The following BPIFC variants were observed in gnomAD, a reference collection of about 807,000 sequenced individuals.
The protein encoded by BPIFC is BPI fold-containing family C protein.
In BPIFC, 60 loss-of-function variants were observed where a neutral mutation model predicts 57.6. The observed-to-expected ratio is 1.04, with a 90% CI of 0.85 to 1.29. BPIFC has a LOEUF of 1.29. Ranked by LOEUF, BPIFC falls within the 50% of genes most tolerant of loss-of-function variation. The probability of loss-of-function intolerance (pLI) is 0.00; values close to 1 mark genes in which losing one functional copy is unlikely to be tolerated. For synonymous variants in BPIFC, 243 were observed against 224.5 expected (o/e 1.08, Z -0.74); for missense variants, 581 against 600.5 (o/e 0.97, Z 0.34).
At chr22:32,440,552 A>C (rs573685618) in intron 8 of BPIFC, among the ~76,000 whole-genome samples, 48 of 152,348 alleles carry the variant, frequency 3.2e-4, no homozygotes, top group Admixed American at 1.4e-3. Flanking sequence ...AGATATATCA[A>C]CAGGAAATTA....
At chr22:32,445,365 G>A (rs1934689636) in intron 7 of BPIFC, among the ~76,000 whole-genome samples, 1 of 151,956 alleles carries the variant, frequency 6.6e-6, no homozygotes, top group South Asian at 2.1e-4. Flanking sequence ...GTGAAACCCC[G>A]TCTCTACTAA....
In BPIFC at chr22:32,445,892, T is replaced by A. The variant is rs958913817; in HGVS notation, c.479A>T (p.Asp160Val). 1 of 1,614,002 alleles carries A rather than the reference T, an allele frequency of 6.2e-7. No homozygotes were observed. The change falls in exon 6 of 17, where the codon GAT (aspartate) becomes GTT (valine). Residue 160 changes from aspartate to valine, a missense_variant. Asp to Val is a radical substitution (Grantham distance 152). Transcript: ENST00000300399. ...GGCATGGCTCAGTTGGGCGTAGCAA[T>A]CTTGGAGCTTCAGGGTAGGATGACC... ...DFGHPTLKLQ[D>V]CYAQLSHAHV...
At chr22:32,421,162 A>G (rs534000226) in intron 13 of BPIFC, among the ~76,000 whole-genome samples, 110 of 152,316 alleles carry the variant, frequency 7.2e-4, no homozygotes, top group African/African-American at 2.6e-3. Flanking sequence ...GAATTTTCAT[A>G]AGAAAACTCA....
intron 13 of BPIFC, among the ~76,000 whole-genome samples, chr22:32,430,667 G>A (rs1446149196): frequency 6.6e-6 from 1 of 151,038 alleles, no homozygotes; most frequent in Non-Finnish European, 1.5e-5. Context: ...GAGAGACAAG[G>A]TCTCATTCTA....
intron 8 of BPIFC, among the ~76,000 whole-genome samples, chr22:32,442,258 G>T (rs1934584969): frequency 6.6e-6 from 1 of 152,168 alleles, no homozygotes. Flanking sequence ...TAGGAGATGG[G>T]GTGTGGTGAA....
In BPIFC at chr22:32,435,900, A is replaced by G; in HGVS notation, c.748-20T>C. ...TACACCCTGTGGGAAAAGAGAGAGA[A>G]AGACCAGTGTATCAGGTGAAAACTC... On this transcript the variant is annotated intron_variant, in intron 9 of 16. Coordinates refer to ENST00000300399, the MANE Select transcript of BPIFC (RefSeq NM_174932.3). 6.2e-7 allele frequency: 1 copy of G among 1,603,296 alleles called. No individual in the cohort carries two copies. Among genetic ancestry groups the G allele is most frequent in the Admixed American group, 1.8e-5 (1 of 56,986 alleles).
At chr22:32,419,298 T>C in intron 14 of BPIFC, 64 bp downstream of exon 14, 2 of 1,494,380 alleles carry the variant, frequency 1.3e-6, no homozygotes, top group Admixed American at 1.9e-5. Flanking sequence ...AATTCGCTAT[T>C]ATATATAGTA....
chr22:32,437,337 A>G (rs1442692902), intron 9 of BPIFC, among the ~76,000 whole-genome samples: 1 of 152,192 alleles, frequency 6.6e-6, no homozygotes, highest in Non-Finnish European at 1.5e-5. Flanking sequence ...AAGAGCATGT[A>G]TATAGATTTC....
At chr22:32,417,309 G>T (rs1450583675) in intron 14 of BPIFC, among the ~76,000 whole-genome samples, 161 bp from the exon 15 acceptor site, 1 of 151,136 alleles carries the variant, frequency 6.6e-6, no homozygotes, top group African/African-American at 2.4e-5. Context: ...TCAAGCAGCT[G>T]GGACTACAAG....
intron 4 of BPIFC, among the ~76,000 whole-genome samples, chr22:32,450,142 A>T (rs1342094801): frequency 2.4e-5 from 3 of 123,210 alleles, no homozygotes; most frequent in Non-Finnish European, 5.0e-5. Context: ...ACACACACAC[A>T]TATATACACA....
chr22:32,456,602 C>G (rs1935044796), intron 3 of BPIFC, among the ~76,000 whole-genome samples: 1 of 152,184 alleles, frequency 6.6e-6, no homozygotes, highest in Non-Finnish European at 1.5e-5. Context: ...GCTCCATCAT[C>G]AACCTACCCT....
intron 13 of BPIFC, among the ~76,000 whole-genome samples, chr22:32,424,765 T>C (rs537012033): frequency 5.0e-4 from 53 of 106,586 alleles, no homozygotes; most frequent in South Asian, 3.8e-3. Context: ...CTTCTTCTTC[T>C]TCTTCTTCTT....
At chr22:32,421,260 A>C (rs763179923) in intron 13 of BPIFC, among the ~76,000 whole-genome samples, 2 of 152,230 alleles carry the variant, frequency 1.3e-5, no homozygotes, top group Non-Finnish European at 2.9e-5. Flanking sequence ...TCTATGCAAT[A>C]ATAATGATAC....
chr22:32,432,114 T>A (rs1934260695), intron 12 of BPIFC, among the ~76,000 whole-genome samples: 1 of 145,340 alleles, frequency 6.9e-6, no homozygotes, highest in Admixed American at 6.9e-5. Flanking sequence ...ATTCAAACAA[T>A]TTTTTTTTTT....
At chr22:32,427,147 G>C (rs1934091425) in intron 13 of BPIFC, among the ~76,000 whole-genome samples, 2 of 152,166 alleles carry the variant, frequency 1.3e-5, no homozygotes, top group African/African-American at 4.8e-5. Context: ...AGGAAGCCAA[G>C]AGAATGAATT....
chr22:32,440,632 T>A (rs556827105), intron 8 of BPIFC, among the ~76,000 whole-genome samples: 2 of 152,228 alleles, frequency 1.3e-5, no homozygotes, highest in Non-Finnish European at 2.9e-5. Context: ...GTTCTTAGGT[T>A]CTTTCCCATC....
intron 13 of BPIFC, among the ~76,000 whole-genome samples, chr22:32,424,682 T>C (rs1170537798): frequency 1.1e-4 from 10 of 87,190 alleles, no homozygotes; most frequent in Admixed American, 2.4e-4. Flanking sequence ...TTCTTCTTCT[T>C]CTTCTTCTTC....
intron 1 of BPIFC, among the ~76,000 whole-genome samples, chr22:32,462,198 G>GAAAAAAAAAAAAA (rs1157717599): frequency 8.4e-6 from 1 of 119,078 alleles, no homozygotes; most frequent in African/African-American, 3.1e-5. Flanking sequence ...AAAGAAAAAA[G>GAAAAAAAAAAAAA]AAAAAAAAGA....
At chr22:32,451,118 A>ATTG (rs1302319241) in intron 4 of BPIFC, among the ~76,000 whole-genome samples, 1 of 152,192 alleles carries the variant, frequency 6.6e-6, no homozygotes, top group African/African-American at 2.4e-5. Flanking sequence ...GCCTAAAACG[A>ATTG]TTGTATTGGT....
Sources: gnomAD v4.1 joint callset for allele counts (sites outside exome capture counted in the v4.1 genomes callset) on GRCh38, gnomAD v4.1.1 for gene constraint, MANE v1.5 for transcripts, NCBI Gene and HGNC (gene_info 2026-07-23, HGNC 2026-07-21) for gene names.